PTPRD: variants seen among roughly 807,000 people sequenced by gnomAD.
PTPRD encodes receptor-type tyrosine-protein phosphatase delta.
In PTPRD, 34 loss-of-function variants were observed where a neutral mutation model predicts 214.5. The observed-to-expected ratio is 0.16, with a 90% CI of 0.12 to 0.21. The LOEUF (loss-of-function observed/expected upper bound fraction) is 0.21, where lower values mean the gene tolerates loss of function less well. Among genes scored for constraint, PTPRD ranks in the 10% least tolerant of loss-of-function variants. The pLI is 1.00. For missense variants in PTPRD, 2,545 were observed against 2,398.7 expected, an observed-to-expected ratio of 1.06 and a Z score of -1.27; for synonymous variants, 1,128 against 845.7, an observed-to-expected ratio of 1.33 and a Z score of -5.79.
At position 10,243,800 on chromosome 9, in the gene PTPRD, C is replaced by T. The variant is rs947749595; in HGVS notation, c.-545+97163G>A. On this transcript the variant is annotated intron_variant, in intron 3 of 45. Transcript: ENST00000381196. ...TTCACCAGTCATATTTACAAGTCAT[C>T]CAACCTTTGAACCTTTATCCTCCCA... Among the ~76,000 whole-genome samples the T allele has an allele frequency of 5.3e-5, 8 of 151,986 alleles. 1 individual carries two copies. The highest frequency in any genetic ancestry group is 1.9e-4 in the African/African-American group (8 of 41,416).
chr9:9,217,207 G>A (rs1185324347), intron 9 of PTPRD, among the ~76,000 whole-genome samples: 1 of 152,070 alleles, frequency 6.6e-6, no homozygotes, highest in Non-Finnish European at 1.5e-5. Context: ...TGGGGATCCT[G>A]GATAGGCAAG....
rs76819236 is a variant in PTPRD, at chr9:9,779,953, G to A, written c.-367-13102C>T. Among the ~76,000 whole-genome samples the A allele has an allele frequency of 8.2e-4, 125 of 152,184 alleles. 2 individuals carry two copies. Among genetic ancestry groups the A allele is most frequent in the African/African-American group, 2.8e-3 (115 of 41,522 alleles). ...GTCATTATGCCAAAAAGACACATAC[G>A]CTCATATGTTCATCATTGTGTCATT... On this transcript the variant is annotated intron_variant, in intron 5 of 45. Coordinates refer to ENST00000381196, the MANE Select transcript of PTPRD (RefSeq NM_002839.4).
chr9:9,565,205 C>G (rs2084132915), intron 8 of PTPRD, among the ~76,000 whole-genome samples: 1 of 151,658 alleles, frequency 6.6e-6, no homozygotes, highest in African/African-American at 2.4e-5. Flanking sequence ...TATTAATTTA[C>G]CTCACTTTTT....
intron 3 of PTPRD, among the ~76,000 whole-genome samples, chr9:10,095,705 A>C (rs548833271): frequency 8.6e-5 from 13 of 151,744 alleles, no homozygotes; most frequent in African/African-American, 3.1e-4. Context: ...GTGTTACATG[A>C]TAATTAGCCA....
intron 3 of PTPRD, among the ~76,000 whole-genome samples, chr9:10,221,826 T>C (rs1389699546): frequency 2.0e-5 from 3 of 152,032 alleles, no homozygotes; most frequent in African/African-American, 7.2e-5. Context: ...TATATCATTA[T>C]AATACAAGCA....
At chr9:8,672,696 TC>T (rs1349856216) in intron 12 of PTPRD, among the ~76,000 whole-genome samples, 4 of 152,144 alleles carry the variant, frequency 2.6e-5, no homozygotes, top group African/African-American at 4.8e-5. Flanking sequence ...TCACATACTG[TC>T]CCTGAAATAG....
intron 12 of PTPRD, among the ~76,000 whole-genome samples, chr9:8,667,425 G>A (rs1596449046): frequency 6.6e-6 from 1 of 152,122 alleles, no homozygotes; most frequent in African/African-American, 2.4e-5. Flanking sequence ...ATATCCTCAT[G>A]TACTGGTTAA....
chr9:9,155,783 T>G (rs545665018), intron 10 of PTPRD, among the ~76,000 whole-genome samples: 1 of 152,270 alleles, frequency 6.6e-6, no homozygotes, highest in African/African-American at 2.4e-5. Context: ...GTGATATCAC[T>G]TGGACATAGT....
intron 8 of PTPRD, among the ~76,000 whole-genome samples, chr9:9,465,641 T>C (rs10977784): frequency 0.17 from 26,207 of 152,196 alleles, 2,740 homozygotes; most frequent in Admixed American, 0.32. Flanking sequence ...CTCTCTTCCA[T>C]CTTTTTGCCT....
chr9:9,088,161 C>T (rs71497126), intron 10 of PTPRD, among the ~76,000 whole-genome samples: 1 of 150,902 alleles, frequency 6.6e-6, no homozygotes, highest in Non-Finnish European at 1.5e-5. Flanking sequence ...GGATTACAGG[C>T]GTGAGCCACT....
chr9:9,601,136 TG>T (rs2093720531), intron 7 of PTPRD, among the ~76,000 whole-genome samples: 3 of 121,160 alleles, frequency 2.5e-5, no homozygotes, highest in Non-Finnish European at 5.0e-5. Flanking sequence ...TGTGTGTGTG[TG>T]TGTGTGTGTG....
intron 10 of PTPRD, among the ~76,000 whole-genome samples, chr9:9,177,554 T>G (rs2131274957): frequency 6.6e-6 from 1 of 152,280 alleles, no homozygotes; most frequent in East Asian, 1.9e-4. Context: ...TTTGTCATTA[T>G]GAACTCAAAT....
chr9:10,531,205 C>G (rs1357431617), intron 2 of PTPRD, among the ~76,000 whole-genome samples: 3 of 152,112 alleles, frequency 2.0e-5, no homozygotes, highest in South Asian at 4.1e-4. Context: ...CCTCCTCAGT[C>G]TCCCAAATGG....
intron 9 of PTPRD, among the ~76,000 whole-genome samples, chr9:9,349,179 C>T (rs983038685): frequency 6.6e-6 from 1 of 152,024 alleles, no homozygotes; most frequent in Non-Finnish European, 1.5e-5. Flanking sequence ...CACTTCTCTG[C>T]TTACATATTT....
At chr9:9,947,903 G>A (rs901651600) in intron 4 of PTPRD, among the ~76,000 whole-genome samples, 2 of 151,422 alleles carry the variant, frequency 1.3e-5, no homozygotes, top group Admixed American at 1.3e-4. Flanking sequence ...AATCAAGAAA[G>A]ACAGCCTTAT....
At chr9:8,977,165 G>C (rs2099272469) in intron 11 of PTPRD, among the ~76,000 whole-genome samples, 1 of 151,952 alleles carries the variant, frequency 6.6e-6, no homozygotes, top group Non-Finnish European at 1.5e-5. Flanking sequence ...TATTTTCCCA[G>C]CAACTTCAAA....
intron 14 of PTPRD, among the ~76,000 whole-genome samples, chr9:8,597,286 A>C (rs2094526027): frequency 6.6e-6 from 1 of 152,120 alleles, no homozygotes; most frequent in South Asian, 2.1e-4. Context: ...ACAAAATATC[A>C]AGACAAGAAT....
At chr9:9,607,081 C>T (rs1438316697) in intron 7 of PTPRD, among the ~76,000 whole-genome samples, 3 of 147,982 alleles carry the variant, frequency 2.0e-5, no homozygotes, top group African/African-American at 7.5e-5. Flanking sequence ...ACACAAAGCA[C>T]GTGGCCTGTA....
intron 6 of PTPRD, among the ~76,000 whole-genome samples, chr9:9,741,683 C>A (rs2154452561): frequency 6.6e-6 from 1 of 152,256 alleles, no homozygotes; most frequent in East Asian, 1.9e-4. Context: ...TCAGTTCCCA[C>A]CTATGAGTGA....
Sources: gnomAD v4.1 joint callset for allele counts (sites outside exome capture counted in the v4.1 genomes callset) on GRCh38, gnomAD v4.1.1 for gene constraint, MANE v1.5 for transcripts, NCBI Gene and HGNC (gene_info 2026-07-23, HGNC 2026-07-21) for gene names.